The following SUSD1 variants were observed in gnomAD, a reference collection of about 807,000 sequenced individuals.
SUSD1 encodes the protein sushi domain containing 1, also known as sushi domain-containing protein 1.
Under a neutral mutation model 86.9 loss-of-function variants are expected in SUSD1, and 65 were observed. That is an observed-to-expected ratio of 0.75 (90% CI 0.61 to 0.92). The LOEUF (loss-of-function observed/expected upper bound fraction) is 0.92, where lower values mean the gene tolerates loss of function less well. Among genes scored for constraint, SUSD1 ranks in the 40% least tolerant of loss-of-function variants. SUSD1 has a pLI of 0.00. For missense variants in SUSD1, 850 were observed against 929.7 expected, an observed-to-expected ratio of 0.91 and a Z score of 1.11; for synonymous variants, 346 against 350.0, an observed-to-expected ratio of 0.99 and a Z score of 0.13.
In SUSD1 at chr9:112,138,177, T is replaced by C. The variant is rs925672124; in HGVS notation, c.706+4143A>G. Among the ~76,000 whole-genome samples, 6 of 88,556 alleles carry C rather than the reference T, an allele frequency of 6.8e-5. 1 individual carries two copies. The South Asian group carries it at 2.6e-3, about 39-fold the overall frequency. The allele number at this position is 88,556 out of a possible 152,430, so 58.1% of individuals were successfully genotyped here. ...GAGGCAGAGGTTGCAGTGAGCTAGA[T>C]TGTGCCACTGCACTCCAGCCTGGGC... On this transcript the variant is annotated intron_variant, in intron 5 of 16. Coordinates refer to ENST00000374270, the MANE Select transcript of SUSD1 (RefSeq NM_022486.5).
At chr9:112,056,647 T>C (rs1415276322) in intron 14 of SUSD1, among the ~76,000 whole-genome samples, 1 of 152,206 alleles carries the variant, frequency 6.6e-6, no homozygotes, top group Non-Finnish European at 1.5e-5. Context: ...TATTCTTCTG[T>C]TCAGCTACAT....
At chr9:112,060,406 C>T (rs934436673) in intron 13 of SUSD1, among the ~76,000 whole-genome samples, 3 of 152,210 alleles carry the variant, frequency 2.0e-5, no homozygotes, top group African/African-American at 7.2e-5. Context: ...AGACTACAGG[C>T]ACTCGCCACT....
Position 112,175,054 on chromosome 9 carries a change from A to C in SUSD1, c.103+79T>G. The C allele has an allele frequency of 1.0e-6, 1 of 964,214 alleles. No homozygotes were observed. Among genetic ancestry groups the C allele is most frequent in the Non-Finnish European group, 1.2e-6 (1 of 809,378 alleles). 59.7% of individuals were successfully genotyped at this position (964,214 alleles called of 1,614,324 possible). ...CGCCGGCCCGGCCCAGGGGCGGGGA[A>C]GCGTCCGTGCGCCCAGAGTCCTCGA... is the stretch of plus-strand genomic sequence containing the variant. On this transcript the variant is annotated intron_variant, in intron 1 of 16. Coordinates refer to ENST00000374270, the MANE Select transcript of SUSD1 (RefSeq NM_022486.5). The surrounding 1 kb of genome is among the most constrained non-coding windows in gnomAD (Gnocchi z 4.7).
chr9:112,106,882 GAA>G (rs1234021820), intron 8 of SUSD1, among the ~76,000 whole-genome samples: 9 of 150,840 alleles, frequency 6.0e-5, no homozygotes, highest in Admixed American at 6.0e-4. Context: ...TTGTAGAAAA[GAA>G]AACAAAATCT....
chr9:112,158,795 T>C (rs1833448187), intron 1 of SUSD1, among the ~76,000 whole-genome samples: 1 of 152,182 alleles, frequency 6.6e-6, no homozygotes, highest in African/African-American at 2.4e-5. Context: ...TATTTGGTTC[T>C]AGCTTTGTAT....
At chr9:112,052,872 T>C (rs893203276) in intron 14 of SUSD1, among the ~76,000 whole-genome samples, 18 of 152,216 alleles carry the variant, frequency 1.2e-4, no homozygotes, top group African/African-American at 4.1e-4. Context: ...TATATAATAC[T>C]TCATCTATCT....
chr9:112,121,961 A>G (rs1831573495), intron 6 of SUSD1, among the ~76,000 whole-genome samples: 1 of 152,326 alleles, frequency 6.6e-6, no homozygotes, highest in East Asian at 1.9e-4. Context: ...CAACTTTAGG[A>G]AAAAGACTAA....
intron 1 of SUSD1, among the ~76,000 whole-genome samples, chr9:112,163,843 C>CA (rs1322074766): frequency 1.3e-5 from 2 of 149,166 alleles, no homozygotes; most frequent in Non-Finnish European, 3.0e-5. Flanking sequence ...ACTAAAAATA[C>CA]AAAAAAAATT....
chr9:112,087,694 A>T (rs1830042227), intron 10 of SUSD1, among the ~76,000 whole-genome samples: 1 of 152,212 alleles, frequency 6.6e-6, no homozygotes, highest in Non-Finnish European at 1.5e-5. Flanking sequence ...GATCAAAAAG[A>T]AGTTAAAAGG....
intron 10 of SUSD1, among the ~76,000 whole-genome samples, chr9:112,089,140 C>G (rs1830100504): frequency 6.6e-6 from 1 of 151,942 alleles, no homozygotes; most frequent in Non-Finnish European, 1.5e-5. Context: ...AACAAAAAAC[C>G]TGACAAACCA....
At chr9:112,053,073 G>T (rs2118908897) in intron 14 of SUSD1, among the ~76,000 whole-genome samples, 1 of 152,272 alleles carries the variant, frequency 6.6e-6, no homozygotes, top group South Asian at 2.1e-4. Context: ...CTCTATATAA[G>T]ACTTGAAAAT....
chr9:112,133,220 A>G (rs1163657649), intron 5 of SUSD1, among the ~76,000 whole-genome samples: 1 of 152,222 alleles, frequency 6.6e-6, no homozygotes, highest in Admixed American at 6.5e-5. Context: ...GGCTGCAGTG[A>G]GCCATGACTG....
chr9:112,051,752 G>A (rs935956378), intron 15 of SUSD1, among the ~76,000 whole-genome samples: 1 of 152,096 alleles, frequency 6.6e-6, no homozygotes, highest in East Asian at 1.9e-4. Context: ...CTACACAGCC[G>A]AATGGTAGTG....
chr9:112,103,634 C>T (rs563612278), intron 8 of SUSD1, among the ~76,000 whole-genome samples: 1 of 152,200 alleles, frequency 6.6e-6, no homozygotes, highest in South Asian at 2.1e-4. Context: ...CTTCCCACGC[C>T]CAAGCCTGAC....
At chr9:112,052,048 G>A in intron 15 of SUSD1, 1 of 907,102 alleles carries the variant, frequency 1.1e-6, no homozygotes, top group Non-Finnish European at 1.5e-6. Context: ...AGCTGCGGGA[G>A]CTTGCCATCA....
At chr9:112,138,139 G>A (rs1224782977) in intron 5 of SUSD1, among the ~76,000 whole-genome samples, 4 of 144,318 alleles carry the variant, frequency 2.8e-5, no homozygotes, top group East Asian at 2.1e-4. Flanking sequence ...CAGGGAGAAT[G>A]GCTTGAACCC....
At chr9:112,155,552 G>C (rs1482782449) in intron 2 of SUSD1, among the ~76,000 whole-genome samples, 1 of 152,256 alleles carries the variant, frequency 6.6e-6, no homozygotes, top group East Asian at 1.9e-4. Context: ...AAAGTGAAAG[G>C]TGACTTTTTG....
chr9:112,131,038 A>G (rs150090991), intron 5 of SUSD1, among the ~76,000 whole-genome samples: 12 of 152,208 alleles, frequency 7.9e-5, no homozygotes, highest in African/African-American at 2.9e-4. Context: ...AAAACAAAAA[A>G]CAAAAAAAGA....
chr9:112,138,277 A>ATATATATG (rs1832398080), intron 5 of SUSD1, among the ~76,000 whole-genome samples: 1 of 133,154 alleles, frequency 7.5e-6, no homozygotes, highest in Non-Finnish European at 1.6e-5. Context: ...ATATATATAT[A>ATATATATG]TATGAAGTCC....
Sources: allele counts gnomAD v4.1 joint callset (sites outside exome capture counted in the v4.1 genomes callset), GRCh38; gene constraint gnomAD v4.1.1; non-coding constraint Gnocchi (gnomAD v3.1); transcripts MANE v1.5; gene names NCBI Gene and HGNC (gene_info 2026-07-23, HGNC 2026-07-21).